The following SRPK2 variants were observed in gnomAD, a reference collection of about 807,000 sequenced individuals.
The protein encoded by SRPK2 is SFRS protein kinase 2.
SRPK2 carries 21 observed loss-of-function variants against 90.8 expected under a neutral mutation model. The ratio of observed to expected loss-of-function variants is 0.23; its 90% confidence interval spans 0.16 to 0.33. The LOEUF is 0.33. Among genes scored for constraint, SRPK2 ranks in the 10% least tolerant of loss-of-function variants. The pLI is 1.00. For missense variants in SRPK2, 620 were observed against 869.0 expected (o/e 0.71, Z 3.60); for synonymous variants, 288 against 311.1 (o/e 0.93, Z 0.78).
intron 2 of SRPK2, chr7:105,268,770 C>CA: frequency 1.0e-5 from 16 of 1,573,422 alleles, no homozygotes; most frequent in Non-Finnish European, 1.4e-5. Flanking sequence ...AGCAATGCTA[C>CA]ACCATTAATT....
chr7:105,153,769 G>GAA (rs1020884151), intron 7 of SRPK2, among the ~76,000 whole-genome samples: 7 of 152,122 alleles, frequency 4.6e-5, no homozygotes, highest in Non-Finnish European at 1.0e-4. Context: ...AGCACCCAGA[G>GAA]AAACCCACGT....
chr7:105,348,399 T>C (rs1036645012), intron 2 of SRPK2, among the ~76,000 whole-genome samples: 2 of 150,598 alleles, frequency 1.3e-5, no homozygotes, highest in African/African-American at 2.4e-5. Context: ...CTATTTGGTA[T>C]AAAATGCCTT....
At chr7:105,294,134 G>A (rs1809465202) in intron 2 of SRPK2, among the ~76,000 whole-genome samples, 1 of 152,166 alleles carries the variant, frequency 6.6e-6, no homozygotes, top group South Asian at 2.1e-4. Context: ...AACCAGAAGG[G>A]TTAAGAGAAT....
intron 2 of SRPK2, among the ~76,000 whole-genome samples, chr7:105,350,529 CTT>C (rs71152961): frequency 6.3e-5 from 8 of 127,324 alleles, no homozygotes; most frequent in East Asian, 2.4e-4. Context: ...AATTTTTTTT[CTT>C]TTTTTTTTTT....
intron 3 of SRPK2, among the ~76,000 whole-genome samples, chr7:105,185,349 G>T (rs1793443625): frequency 6.6e-6 from 1 of 151,860 alleles, no homozygotes; most frequent in Non-Finnish European, 1.5e-5. Context: ...ACAGCTCTCT[G>T]GCTGTTTAAA....
chr7:105,372,508 C>T (rs1260496390), intron 2 of SRPK2, among the ~76,000 whole-genome samples: 1 of 152,072 alleles, frequency 6.6e-6, no homozygotes, highest in Non-Finnish European at 1.5e-5. Context: ...ATGAAAGGTT[C>T]CTTTGGAGAC....
Position 105,388,840 on chromosome 7 carries a change from C to T in SRPK2, c.-34G>A. On this transcript the variant is annotated 5_prime_UTR_variant, in exon 1 of 16. Transcript: ENST00000393651. ...GGCGGAAGCGGGGCGGGGGGCTTCGCGACGGCGACGCGGGCGCCGAGACGA... is the reference window on the plus strand; with the variant it reads ...GGCGGAAGCGGGGCGGGGGGCTTCGTGACGGCGACGCGGGCGCCGAGACGA... 8 of 1,322,966 alleles carry T rather than the reference C, an allele frequency of 6.0e-6. No individual in the cohort carries two copies. The highest frequency in any genetic ancestry group is 7.7e-6 in the Non-Finnish European group (8 of 1,042,058). The allele number at this position is 1,322,966 out of a possible 1,614,324, so 82.0% of individuals were successfully genotyped here.
intron 2 of SRPK2, among the ~76,000 whole-genome samples, chr7:105,317,889 T>C (rs987426206): frequency 2.0e-5 from 3 of 151,422 alleles, no homozygotes; most frequent in African/African-American, 7.3e-5. Context: ...GCTGGGACTA[T>C]AGGTGTGCAC....
chr7:105,191,733 A>T (rs899142092), intron 3 of SRPK2, among the ~76,000 whole-genome samples: 2 of 151,868 alleles, frequency 1.3e-5, no homozygotes, highest in Admixed American at 6.6e-5. Context: ...CCTCCATAAC[A>T]TTGTTTGCTT....
At chr7:105,254,566 G>A (rs77142411) in intron 2 of SRPK2, among the ~76,000 whole-genome samples, 1 of 152,138 alleles carries the variant, frequency 6.6e-6, no homozygotes, top group East Asian at 1.9e-4. Context: ...AAGAAAATTT[G>A]CATATGTTAA....
chr7:105,289,538 C>G (rs550374777), intron 2 of SRPK2, among the ~76,000 whole-genome samples: 11 of 152,222 alleles, frequency 7.2e-5, no homozygotes, highest in African/African-American at 2.6e-4. Flanking sequence ...TCTCTTGAGC[C>G]CAGGAATTCA....
intron 2 of SRPK2, among the ~76,000 whole-genome samples, chr7:105,210,741 C>T (rs955759368): frequency 6.6e-6 from 1 of 152,126 alleles, no homozygotes; most frequent in African/African-American, 2.4e-5. Context: ...CCTAATCACA[C>T]CAGTCCCTAA....
intron 3 of SRPK2, among the ~76,000 whole-genome samples, chr7:105,203,014 G>T (rs1795749522): frequency 6.6e-6 from 1 of 152,062 alleles, no homozygotes; most frequent in African/African-American, 2.4e-5. Flanking sequence ...TTGGAGGCAG[G>T]ATCTGGTTCT....
intron 3 of SRPK2, 112 bp from the exon 4 acceptor site, chr7:105,169,377 T>C (rs1790511678): frequency 2.7e-6 from 2 of 737,244 alleles, no homozygotes; most frequent in South Asian, 3.6e-5. Context: ...ACATAATACA[T>C]GCAGACTAAA....
intron 2 of SRPK2, among the ~76,000 whole-genome samples, chr7:105,286,250 A>G (rs1408670305): frequency 2.6e-5 from 4 of 152,196 alleles, no homozygotes; most frequent in Non-Finnish European, 5.9e-5. Flanking sequence ...TGTAAAAGCT[A>G]TGATGCAAAC....
intron 3 of SRPK2, among the ~76,000 whole-genome samples, chr7:105,199,896 TA>T (rs67036595): frequency 0.47 from 65,137 of 137,742 alleles, 15,970 homozygotes; most frequent in African/African-American, 0.64. Flanking sequence ...TTGTTTAATT[TA>T]AAAAAAAAAA....
At chr7:105,285,620 T>C (rs1260190030) in intron 2 of SRPK2, among the ~76,000 whole-genome samples, 1 of 152,164 alleles carries the variant, frequency 6.6e-6, no homozygotes, top group Admixed American at 6.5e-5. Flanking sequence ...CCCGCATGAA[T>C]GGCTTAGCAT....
chr7:105,356,063 A>C (rs895334588), intron 2 of SRPK2, among the ~76,000 whole-genome samples: 1 of 152,136 alleles, frequency 6.6e-6, no homozygotes, highest in Non-Finnish European at 1.5e-5. Flanking sequence ...AATTAAATTA[A>C]ATAAATAAAT....
intron 2 of SRPK2, among the ~76,000 whole-genome samples, chr7:105,334,849 CA>C (rs1334742938): frequency 1.7e-4 from 22 of 130,824 alleles, no homozygotes; most frequent in African/African-American, 4.4e-4. Context: ...AAAAAAAAAA[CA>C]AAAAAAAAAT....
Sources: allele counts gnomAD v4.1 joint callset (sites outside exome capture counted in the v4.1 genomes callset), GRCh38; gene constraint gnomAD v4.1.1; transcripts MANE v1.5; gene names NCBI Gene and HGNC (gene_info 2026-07-23, HGNC 2026-07-21).